Variants in SH3BGR observed in about 807,000 individuals in gnomAD.
The protein encoded by SH3BGR is SH3 domain-binding glutamic acid-rich protein.
In SH3BGR, 29 loss-of-function variants were observed where a neutral mutation model predicts 24.5. The observed-to-expected ratio is 1.18, with a 90% CI of 0.88 to 1.61. SH3BGR has a LOEUF of 1.61. SH3BGR is among the 40% of genes most tolerant of loss of function. The pLI, the probability that SH3BGR is intolerant of heterozygous loss-of-function variation, is 0.00. For synonymous variants in SH3BGR, 55 were observed against 65.7 expected, an observed-to-expected ratio of 0.84 and a Z score of 0.79; for missense variants, 162 against 205.8, an observed-to-expected ratio of 0.79 and a Z score of 1.30.
At chr21:39,479,947 G>T (rs540764467) in intron 3 of SH3BGR, among the ~76,000 whole-genome samples, 136 of 151,592 alleles carry the variant, frequency 9.0e-4, no homozygotes, top group African/African-American at 3.1e-3. Flanking sequence ...CATCTTTGTT[G>T]TATTGTCAGT....
At chr21:39,479,784 A>G (rs1602117279) in intron 3 of SH3BGR, among the ~76,000 whole-genome samples, 1 of 152,178 alleles carries the variant, frequency 6.6e-6, no homozygotes, top group East Asian at 1.9e-4. Flanking sequence ...GCTCTTTGTA[A>G]GCAATTAGGT....
At chr21:39,451,391 T>C (rs2077571965), upstream of SH3BGR, among the ~76,000 whole-genome samples, 1 of 152,184 alleles carries the variant, frequency 6.6e-6, no homozygotes, top group African/African-American at 2.4e-5. Flanking sequence ...AGTGAAACTT[T>C]AGATGGCCCA....
At chr21:39,460,695 C>G (rs2077740683) in intron 1 of SH3BGR, among the ~76,000 whole-genome samples, 1 of 152,154 alleles carries the variant, frequency 6.6e-6, no homozygotes. Context: ...GTCTCGAACT[C>G]CTGACCTCGT....
intron 3 of SH3BGR, among the ~76,000 whole-genome samples, chr21:39,476,424 C>G (rs532913975): frequency 1.1e-3 from 169 of 152,182 alleles, no homozygotes; most frequent in African/African-American, 3.7e-3. Context: ...ACAGAGTGGT[C>G]TAAGGAGGGC....
chr21:39,493,870 A>C (rs962446863), intron 3 of SH3BGR, among the ~76,000 whole-genome samples: 1 of 151,940 alleles, frequency 6.6e-6, no homozygotes, highest in Non-Finnish European at 1.5e-5. Flanking sequence ...ATTTTTTTGC[A>C]GCTATTGTAA....
At chr21:39,458,791 C>T (rs1179144356) in intron 1 of SH3BGR, among the ~76,000 whole-genome samples, 1 of 151,046 alleles carries the variant, frequency 6.6e-6, no homozygotes, top group Non-Finnish European at 1.5e-5. Context: ...GGATTACAGA[C>T]ATGCGCCACC....
chr21:39,506,325 G>A (rs2078582462), intron 4 of SH3BGR, among the ~76,000 whole-genome samples: 1 of 152,200 alleles, frequency 6.6e-6, no homozygotes, highest in African/African-American at 2.4e-5. Context: ...TGTGGCCAAT[G>A]TGAGAAAATT....
rs769849809 is a variant in SH3BGR at position 39,452,194 on chromosome 21, G to T, written c.45+53G>T. ...TATACTCTTTTCTGAATAACTTAGGGTTGGAAATATGGCCAACGTTGGCCT... is the reference window on the plus strand; with the variant it reads ...TATACTCTTTTCTGAATAACTTAGGTTTGGAAATATGGCCAACGTTGGCCT... On this transcript the variant is annotated intron_variant, in intron 1 of 6. Transcript: ENST00000333634. 20 of 1,610,100 alleles carry T rather than the reference G, an allele frequency of 1.2e-5. No homozygotes were observed. The African/African-American group carries it at 1.7e-4, about 14-fold the overall frequency.
chr21:39,496,140 A>G (rs1270486149), intron 3 of SH3BGR, among the ~76,000 whole-genome samples: 4 of 152,178 alleles, frequency 2.6e-5, no homozygotes, highest in Admixed American at 2.0e-4. Context: ...TAGGAGCCGT[A>G]GTTATTGTAA....
intron 4 of SH3BGR, among the ~76,000 whole-genome samples, chr21:39,503,626 A>G (rs1238287918): frequency 6.6e-6 from 1 of 152,214 alleles, no homozygotes; most frequent in Admixed American, 6.5e-5. Flanking sequence ...ATACAATTCC[A>G]TTTAATGGAG....
upstream of SH3BGR, among the ~76,000 whole-genome samples, chr21:39,450,626 AAG>A (rs2077562805): frequency 6.6e-6 from 1 of 152,156 alleles, no homozygotes; most frequent in Non-Finnish European, 1.5e-5. Flanking sequence ...GAGAGACAGT[AAG>A]AGACTCAGTT....
chr21:39,468,928 C>T (rs78863435), intron 2 of SH3BGR, among the ~76,000 whole-genome samples: 6,300 of 151,730 alleles, frequency 0.042, 138 homozygotes, highest in Middle Eastern at 0.09. Flanking sequence ...TTTCAATTTC[C>T]TTAATGAATG....
Position 39,510,221 on chromosome 21 carries a change from C to T in SH3BGR, c.435+1194C>T, listed in dbSNP as rs541899438. On this transcript the variant is annotated intron_variant, in intron 5 of 6. Transcript: ENST00000333634. ...CCTCCCAAAGTGCTGGGATTACAGG[C>T]GTGAGCCACCGCGCCCAGCCTTTGT... Among the ~76,000 whole-genome samples the T allele has an allele frequency of 8.6e-5, 11 of 127,740 alleles. 1 individual carries two copies. Among genetic ancestry groups the T allele is most frequent in the African/African-American group, 3.2e-4 (9 of 28,438 alleles). 83.8% of individuals were successfully genotyped at this position (127,740 alleles called of 152,430 possible). A position where few individuals can be genotyped will look rare whatever the true frequency, so the allele number is the denominator to read the frequency against.
chr21:39,458,320 A>G (rs1602071746), intron 1 of SH3BGR, among the ~76,000 whole-genome samples: 2 of 152,012 alleles, frequency 1.3e-5, no homozygotes, highest in African/African-American at 4.8e-5. Context: ...TTTAAAGTTT[A>G]TTTATTTATT....
chr21:39,454,578 G>A (rs1390314526), intron 1 of SH3BGR, among the ~76,000 whole-genome samples: 1 of 152,178 alleles, frequency 6.6e-6, no homozygotes, highest in East Asian at 1.9e-4. Context: ...GGGGGACAAA[G>A]GGAGAGAGGA....
At chr21:39,491,575 G>A in intron 3 of SH3BGR, 1 of 273,924 alleles carries the variant, frequency 3.7e-6, no homozygotes, top group Non-Finnish European at 7.1e-6. Flanking sequence ...TCGTGGGGCA[G>A]CACCCGCAGG....
At chr21:39,501,622 G>A (rs1361566289) in intron 4 of SH3BGR, among the ~76,000 whole-genome samples, 2 of 152,122 alleles carry the variant, frequency 1.3e-5, no homozygotes, top group African/African-American at 4.8e-5. Flanking sequence ...GACAGATTCT[G>A]ACTTCTTCCT....
rs1248009330 is a variant in SH3BGR at position 39,504,542 on chromosome 21, G to A, written c.406-4456G>A. On this transcript the variant is annotated intron_variant, in intron 4 of 6. Transcript: ENST00000333634. ...CAAGTTTCCAACAAAAATAGCTGCT[G>A]TGGAAGGTTCTAAGACTTCCCACTT... 2.6e-5 allele frequency among the ~76,000 whole-genome samples: 4 copies of A among 152,308 alleles called. No individual in the cohort carries two copies. In the East Asian group the frequency reaches 5.8e-4, roughly 22 times the overall value.
rs766443297 is a variant in SH3BGR, at chr21:39,499,925, C to A, written c.405+10C>A. ...AGCCCAGGAGAAGAATGTGAGTTTT[C>A]GCTTTTTCACAGCAGTTTGACTGGA... On this transcript the variant is annotated intron_variant, in intron 4 of 6. Transcript: ENST00000333634. 1 of 1,589,254 alleles carries A rather than the reference C, an allele frequency of 6.3e-7. No homozygotes were observed. Among genetic ancestry groups the A allele is most frequent in the South Asian group, 1.1e-5 (1 of 90,440 alleles).
Sources: gnomAD v4.1 joint callset for allele counts (sites outside exome capture counted in the v4.1 genomes callset) on GRCh38, gnomAD v4.1.1 for gene constraint, MANE v1.5 for transcripts, NCBI Gene and HGNC (gene_info 2026-07-23, HGNC 2026-07-21) for gene names.